The following ABCC11 variants were observed in gnomAD, a reference collection of about 807,000 sequenced individuals.
The protein encoded by ABCC11 is ATP-binding cassette sub-family C member 11.
Under a neutral mutation model 149.3 loss-of-function variants are expected in ABCC11, and 135 were observed. The observed-to-expected ratio is 0.90, with a 90% confidence interval of 0.79 to 1.04. The LOEUF (loss-of-function observed/expected upper bound fraction) is 1.04, where lower values mean the gene tolerates loss of function less well. Among genes scored for constraint, ABCC11 ranks in the 50% least tolerant of loss-of-function variants. The pLI is 0.00. For synonymous variants in ABCC11, 665 were observed against 671.4 expected (o/e 0.99, Z 0.15); for missense variants, 1,680 against 1,722.1 (o/e 0.98, Z 0.43).
chr16:48,231,747 T>A (rs1970433884), intron 2 of ABCC11, 76 bp downstream of exon 2: 1 of 1,548,440 alleles, frequency 6.5e-7, no homozygotes, highest in Non-Finnish European at 8.7e-7. Flanking sequence ...AGAAATTGTT[T>A]GACGTAATTT....
chr16:48,186,588 G>T (rs534830527), intron 22 of ABCC11, among the ~76,000 whole-genome samples: 1 of 152,112 alleles, frequency 6.6e-6, no homozygotes, highest in African/African-American at 2.4e-5. Flanking sequence ...GAAAGCTATT[G>T]TTCCTCATTA....
intron 4 of ABCC11, among the ~76,000 whole-genome samples, chr16:48,225,357 A>C (rs1970006477): frequency 6.6e-6 from 1 of 152,248 alleles, no homozygotes; most frequent in African/African-American, 2.4e-5. Context: ...AACAAGGTCT[A>C]AAGGAGAAAT....
chr16:48,211,744 G>T (rs547327017), intron 10 of ABCC11, among the ~76,000 whole-genome samples: 16 of 152,234 alleles, frequency 1.1e-4, no homozygotes, highest in African/African-American at 3.9e-4. Flanking sequence ...TCCCACACTG[G>T]GGAAAGGTCA....
At chr16:48,181,380 G>A (rs1056142207) in intron 23 of ABCC11, among the ~76,000 whole-genome samples, 10 of 152,118 alleles carry the variant, frequency 6.6e-5, no homozygotes, top group South Asian at 2.1e-4. Context: ...TGTAAGACAG[G>A]AACAATAATA....
intron 23 of ABCC11, among the ~76,000 whole-genome samples, chr16:48,183,923 G>A (rs973412560): frequency 6.6e-6 from 1 of 152,188 alleles, no homozygotes; most frequent in Non-Finnish European, 1.5e-5. Flanking sequence ...TCAAGTCTTA[G>A]GCACATTTAA....
intron 1 of ABCC11, among the ~76,000 whole-genome samples, chr16:48,238,133 T>C (rs1385925533): frequency 2.0e-5 from 3 of 152,170 alleles, no homozygotes; most frequent in Non-Finnish European, 4.4e-5. Context: ...GTTATTGAAA[T>C]GAATATTAAG....
At chr16:48,221,881 A>G (rs1969763275) in intron 6 of ABCC11, among the ~76,000 whole-genome samples, 1 of 151,350 alleles carries the variant, frequency 6.6e-6, no homozygotes. Flanking sequence ...AGATGGGACT[A>G]TAGGTATATA....
At chr16:48,178,804 A>C in intron 23 of ABCC11, 118 bp from the exon 24 acceptor site, 1 of 862,042 alleles carries the variant, frequency 1.2e-6, no homozygotes, top group Non-Finnish European at 1.8e-6. Context: ...AACTAAGATA[A>C]TTTTCCTAGC....
chr16:48,184,625 A>C lies in ABCC11; in HGVS notation c.3073T>G (p.Phe1025Val). 1.2e-6 allele frequency: 2 copies of C among 1,613,704 alleles called. No individual in the cohort carries two copies. Among genetic ancestry groups the C allele is most frequent in the Non-Finnish European group, 1.7e-6 (2 of 1,179,736 alleles). The stretch of plus-strand genomic sequence containing the variant: ...TTCTGCGCATCAGTCAGCCTCTTAA[A>C]CCTGAGAAGGAAAGCACAGACTAAG... The part of the protein sequence containing the change: ...YGKTEDFISQ[F>V]KRLTDAQNNY... The change falls in exon 23 of 30, where the codon TTT becomes GTT. Residue 1025 changes from phenylalanine (F) to valine (V), a missense_variant and splice_region_variant. Coordinates refer to ENST00000356608, the MANE Select transcript of ABCC11 (RefSeq NM_001370497.1).
intron 13 of ABCC11, among the ~76,000 whole-genome samples, chr16:48,204,250 A>C (rs2150834168): frequency 6.6e-6 from 1 of 152,310 alleles, no homozygotes; most frequent in South Asian, 2.1e-4. Context: ...GAAGACCCTA[A>C]AGAAGAGCAA....
At chr16:48,209,008 C>A (rs1968683647) in intron 11 of ABCC11, among the ~76,000 whole-genome samples, 1 of 152,152 alleles carries the variant, frequency 6.6e-6, no homozygotes, top group South Asian at 2.1e-4. Context: ...GATGGGAAGA[C>A]AGAGAGACTA....
chr16:48,216,854 T>C (rs182593923), intron 6 of ABCC11, among the ~76,000 whole-genome samples: 8 of 152,318 alleles, frequency 5.3e-5, no homozygotes, highest in Middle Eastern at 3.4e-3. Flanking sequence ...ACATATTTCA[T>C]ACTAATTCCC....
intron 23 of ABCC11, among the ~76,000 whole-genome samples, chr16:48,183,084 G>A (rs1019464648): frequency 1.3e-5 from 2 of 152,222 alleles, no homozygotes; most frequent in Non-Finnish European, 2.9e-5. Context: ...GAGCATTTAA[G>A]TAACTTGGCC....
chr16:48,223,620 C>G (rs1040646677), intron 5 of ABCC11: 6 of 152,760 alleles, frequency 3.9e-5, no homozygotes, highest in African/African-American at 1.4e-4. Flanking sequence ...CCCACCTCCC[C>G]CATTGGTGCA....
chr16:48,240,845 T>A (rs1198061564), intron 1 of ABCC11, among the ~76,000 whole-genome samples: 6 of 152,168 alleles, frequency 3.9e-5, no homozygotes, highest in Non-Finnish European at 7.4e-5. Flanking sequence ...TGAAAAAATC[T>A]GGCAGATACC....
At chr16:48,231,691 G>A (rs933392770) in intron 2 of ABCC11, 132 bp downstream of exon 2, 5 of 1,276,488 alleles carry the variant, frequency 3.9e-6, no homozygotes, top group Non-Finnish European at 5.2e-6. Flanking sequence ...GAGAGAGAGA[G>A]CAAAAAGAGA....
At chr16:48,225,372 T>C (rs1245094199) in intron 4 of ABCC11, among the ~76,000 whole-genome samples, 1 of 152,242 alleles carries the variant, frequency 6.6e-6, no homozygotes, top group Non-Finnish European at 1.5e-5. Context: ...AGAAATCTGA[T>C]AGAACTCTTG....
downstream of ABCC11, chr16:48,165,612 A>G (rs1965306624): frequency 6.6e-6 from 1 of 152,320 alleles, no homozygotes; most frequent in African/African-American, 2.4e-5. Flanking sequence ...TTTCCTCTGC[A>G]TCCTGTTCCT....
intron 1 of ABCC11, chr16:48,244,266 C>G: frequency 1.5e-6 from 1 of 683,902 alleles, no homozygotes; most frequent in East Asian, 3.3e-5. Context: ...GGGGACGGAC[C>G]GTAGCGCGTA....
Sources: gnomAD v4.1 joint callset for allele counts (sites outside exome capture counted in the v4.1 genomes callset) on GRCh38, gnomAD v4.1.1 for gene constraint, MANE v1.5 for transcripts, NCBI Gene and HGNC (gene_info 2026-07-23, HGNC 2026-07-21) for gene names.